The following CRPPA variants were observed in gnomAD, a reference collection of about 807,000 sequenced individuals.
The protein encoded by CRPPA is D-ribitol-5-phosphate cytidylyltransferase.
CRPPA carries 43 observed loss-of-function variants against 52.0 expected under a neutral mutation model. That is an observed-to-expected ratio of 0.83 (90% CI 0.65 to 1.07). The LOEUF is 1.07. Ranked by LOEUF, CRPPA falls within the 50% of genes least tolerant of loss-of-function variation. The probability of loss-of-function intolerance (pLI) is 0.00; values close to 1 mark genes in which losing one functional copy is unlikely to be tolerated. For missense variants in CRPPA, 629 were observed against 551.7 expected (o/e 1.14, Z -1.40); for synonymous variants, 250 against 203.5 (o/e 1.23, Z -1.94).
At chr7:16,149,315 T>C (rs1418917969) in intron 9 of CRPPA, among the ~76,000 whole-genome samples, 1 of 152,190 alleles carries the variant, frequency 6.6e-6, no homozygotes, top group East Asian at 1.9e-4. Flanking sequence ...CAGATTTGAA[T>C]AGTGAGGACG....
chr7:16,117,565 C>T (rs896504362), intron 9 of CRPPA, among the ~76,000 whole-genome samples: 6 of 152,192 alleles, frequency 3.9e-5, no homozygotes, highest in African/African-American at 1.4e-4. Context: ...AAACTGCACA[C>T]ACCTTGCGGG....
At chr7:16,105,503 G>C (rs965251151) in intron 9 of CRPPA, among the ~76,000 whole-genome samples, 1 of 152,090 alleles carries the variant, frequency 6.6e-6, no homozygotes, top group African/African-American at 2.4e-5. Context: ...TTATTTCATA[G>C]AAAACAGTAG....
intron 9 of CRPPA, among the ~76,000 whole-genome samples, chr7:16,169,505 C>T (rs773347590): frequency 7.9e-5 from 12 of 152,132 alleles, no homozygotes; most frequent in African/African-American, 1.4e-4. Flanking sequence ...CCTGTTTTAT[C>T]GTTTTACAAC....
intron 5 of CRPPA, among the ~76,000 whole-genome samples, chr7:16,291,219 T>C (rs911009231): frequency 2.0e-5 from 3 of 151,992 alleles, no homozygotes; most frequent in Admixed American, 6.6e-5. Context: ...AAAAACAGTA[T>C]GGAGATTTCT....
At chr7:16,364,218 T>C (rs1210024863) in intron 3 of CRPPA, among the ~76,000 whole-genome samples, 1 of 152,218 alleles carries the variant, frequency 6.6e-6, no homozygotes, top group Non-Finnish European at 1.5e-5. Flanking sequence ...CTCAGGTACT[T>C]ATACCCAAAA....
intron 3 of CRPPA, among the ~76,000 whole-genome samples, chr7:16,347,284 TC>T (rs1226721367): frequency 2.6e-5 from 4 of 152,122 alleles, no homozygotes; most frequent in Non-Finnish European, 4.4e-5. Context: ...ACTGTGATAT[TC>T]CCCTTTTTCC....
chr7:16,307,554 C>T (rs1232347489), intron 4 of CRPPA, among the ~76,000 whole-genome samples: 1 of 151,398 alleles, frequency 6.6e-6, no homozygotes, highest in African/African-American at 2.4e-5. Flanking sequence ...GTGGTAGGCA[C>T]CTGTGATCCC....
intron 9 of CRPPA, among the ~76,000 whole-genome samples, chr7:16,154,876 C>T (rs1420524801): frequency 4.6e-5 from 7 of 150,580 alleles, no homozygotes; most frequent in East Asian, 2.0e-4. Context: ...GGCACAATCT[C>T]GACTCACCAC....
chr7:16,392,115 T>G (rs192447566), intron 2 of CRPPA, among the ~76,000 whole-genome samples: 29 of 152,320 alleles, frequency 1.9e-4, no homozygotes, highest in African/African-American at 6.7e-4. Flanking sequence ...TCTTTTCTAT[T>G]AAATGAAAAA....
chr7:16,346,481 C>A (rs777177516), intron 3 of CRPPA, among the ~76,000 whole-genome samples: 1 of 151,708 alleles, frequency 6.6e-6, no homozygotes, highest in Non-Finnish European at 1.5e-5. Flanking sequence ...GTTACAGGTT[C>A]AGCACCCATT....
intron 9 of CRPPA, among the ~76,000 whole-genome samples, chr7:16,157,937 C>T (rs1399353754): frequency 2.6e-5 from 4 of 151,874 alleles, no homozygotes; most frequent in African/African-American, 7.2e-5. Context: ...TAGAGCAGTG[C>T]AATCTTGGCC....
At chr7:16,344,476 A>G (rs1229742809) in intron 3 of CRPPA, among the ~76,000 whole-genome samples, 2 of 151,614 alleles carry the variant, frequency 1.3e-5, no homozygotes, top group Non-Finnish European at 2.9e-5. Context: ...TGAGTGGATC[A>G]CTTGAGCCTG....
At chr7:16,213,514 T>C (rs972945836) in intron 9 of CRPPA, among the ~76,000 whole-genome samples, 2 of 152,062 alleles carry the variant, frequency 1.3e-5, no homozygotes, top group Non-Finnish European at 2.9e-5. Flanking sequence ...TTTGGGAGGC[T>C]GAGGTGGGTG....
At chr7:16,387,108 T>TACAC (rs561497755) in intron 2 of CRPPA, among the ~76,000 whole-genome samples, 26 of 141,618 alleles carry the variant, frequency 1.8e-4, no homozygotes, top group African/African-American at 5.3e-4. Context: ...TATATGTATA[T>TACAC]ACACACACAC....
In CRPPA at chr7:16,089,323, TATAA is replaced by T. The variant is rs1562496421; in HGVS notation, c.*2368_*2371del. On this transcript the variant is annotated 3_prime_UTR_variant, in exon 10 of 10. Coordinates refer to ENST00000407010, the MANE Select transcript of CRPPA (RefSeq NM_001101426.4). ...ACATATATGTGTGTATGCGTACGTA[TATAA>T]ATATATGTGTGTATGCGTACGTATA... The T allele has an allele frequency of 2.5e-6, 1 of 396,458 alleles. No individual in the cohort carries two copies. Among genetic ancestry groups the T allele is most frequent in the South Asian group, 1.6e-5 (1 of 61,218 alleles). The allele number at this position is 396,458 out of a possible 1,614,324, so 24.6% of individuals were successfully genotyped here.
At chr7:16,239,577 A>AAAAAAC (rs1295351159) in intron 8 of CRPPA, among the ~76,000 whole-genome samples, 5 of 150,072 alleles carry the variant, frequency 3.3e-5, no homozygotes, top group Non-Finnish European at 7.4e-5. Flanking sequence ...AAAAAAAAAA[A>AAAAAAC]AAAAAAACTA....
At chr7:16,390,701 G>A (rs1162134176) in intron 2 of CRPPA, among the ~76,000 whole-genome samples, 1 of 152,112 alleles carries the variant, frequency 6.6e-6, no homozygotes, top group Non-Finnish European at 1.5e-5. Flanking sequence ...AACAAAACCA[G>A]CAAAACAAAA....
At chr7:16,176,483 C>G (rs1479869223) in intron 9 of CRPPA, among the ~76,000 whole-genome samples, 2 of 152,092 alleles carry the variant, frequency 1.3e-5, no homozygotes, top group Admixed American at 6.6e-5. Flanking sequence ...TACCATTACA[C>G]ACCTATGAGA....
intron 8 of CRPPA, among the ~76,000 whole-genome samples, chr7:16,232,711 C>A (rs1243967128): frequency 1.3e-5 from 2 of 152,070 alleles, no homozygotes; most frequent in Admixed American, 6.5e-5. Context: ...AAAAACAAGA[C>A]CTAAATGGAT....
Sources: allele counts gnomAD v4.1 joint callset (sites outside exome capture counted in the v4.1 genomes callset), GRCh38; gene constraint gnomAD v4.1.1; transcripts MANE v1.5; gene names NCBI Gene and HGNC (gene_info 2026-07-23, HGNC 2026-07-21).